MORC3: variants seen among roughly 807,000 people sequenced by gnomAD.
The protein encoded by MORC3 is MORC family CW-type zinc finger 3.
A neutral mutation model predicts 109.1 loss-of-function variants in MORC3; 31 were observed. The observed-to-expected ratio is 0.28, with a 90% CI of 0.21 to 0.38. The LOEUF is 0.38. Among genes scored for constraint, MORC3 ranks in the 10% least tolerant of loss-of-function variants. The pLI is 1.00. For missense variants in MORC3, 867 were observed against 1,135.8 expected, an observed-to-expected ratio of 0.76 and a Z score of 3.40; for synonymous variants, 395 against 380.7, an observed-to-expected ratio of 1.04 and a Z score of -0.44.
intron 12 of MORC3, 119 bp downstream of exon 12, chr21:36,360,377 T>C (rs1227292427): frequency 1.6e-5 from 16 of 1,004,838 alleles, no homozygotes; most frequent in African/African-American, 3.3e-5. Context: ...AAGTTTATAA[T>C]GTGGAGTGCG....
intron 9 of MORC3, among the ~76,000 whole-genome samples, chr21:36,354,530 C>G (rs1188506736): frequency 2.0e-5 from 3 of 151,908 alleles, no homozygotes; most frequent in East Asian, 1.9e-4. Flanking sequence ...GTCTTGAACT[C>G]CTGACCTTGT....
chr21:36,359,781 C>T (rs191358754), intron 10 of MORC3, among the ~76,000 whole-genome samples, 174 bp from the exon 11 acceptor site: 297 of 152,170 alleles, frequency 2.0e-3, no homozygotes, highest in African/African-American at 6.8e-3. Flanking sequence ...TCTCTAACTC[C>T]TGGGATTATA....
intron 1 of MORC3, 152 bp downstream of exon 1, chr21:36,320,455 C>G: frequency 1.4e-6 from 1 of 692,318 alleles, no homozygotes; most frequent in Non-Finnish European, 2.0e-6. Context: ...ATCTCGCTCC[C>G]GTCGGCGGAA....
chr21:36,364,223 A>G lies in MORC3; in HGVS notation c.1583A>G (p.His528Arg), dbSNP rs1359836743. The G allele has an allele frequency of 6.2e-7, 1 of 1,614,162 alleles. No homozygotes were observed. Among genetic ancestry groups the G allele is most frequent in the South Asian group, 1.1e-5 (1 of 91,086 alleles). ...TATGCGACAAGACTTCTAAATAATC[A>G]TCAAGTTCCACCTCAGTCTGAACCT... is the stretch of plus-strand genomic sequence containing the variant. ...NSYATRLLNNHQVPPQSEPES... is the reference protein window; with the variant it reads ...NSYATRLLNNRQVPPQSEPES... The change falls in exon 14 of 17, where the codon CAT becomes CGT. Residue 528 changes from histidine to arginine, a missense_variant. This residue lies in a region of MORC3 where 486 missense variants were observed against 502.1 expected (regional missense o/e 0.97). Transcript: ENST00000400485.
intron 9 of MORC3, among the ~76,000 whole-genome samples, chr21:36,354,682 A>T (rs567829923): frequency 7.9e-5 from 12 of 152,222 alleles, no homozygotes; most frequent in Non-Finnish European, 1.5e-4. Flanking sequence ...TGCCTGTATC[A>T]TAGAAGTGTC....
intron 13 of MORC3, among the ~76,000 whole-genome samples, chr21:36,362,822 C>T (rs1393714991): frequency 6.6e-6 from 1 of 152,112 alleles, no homozygotes. Context: ...ACCTTTCCAA[C>T]TCTTCCTAAT....
intron 16 of MORC3, among the ~76,000 whole-genome samples, chr21:36,373,121 C>A (rs912255040): frequency 6.6e-6 from 1 of 152,186 alleles, no homozygotes; most frequent in Non-Finnish European, 1.5e-5. Context: ...GGGCGGATCA[C>A]CTGAGGTCAG....
At chr21:36,336,839 T>TA (rs2085380566) in intron 2 of MORC3, 35 bp from the exon 3 acceptor site, 4 of 1,574,510 alleles carry the variant, frequency 2.5e-6, no homozygotes, top group Non-Finnish European at 3.5e-6. Context: ...TTTTAAAGTG[T>TA]AAAATCAGAA....
chr21:36,356,123 A>G (rs2085642576), intron 9 of MORC3, among the ~76,000 whole-genome samples: 1 of 152,186 alleles, frequency 6.6e-6, no homozygotes, highest in Non-Finnish European at 1.5e-5. Context: ...TACTATAATA[A>G]TATTGTATGT....
intron 16 of MORC3, among the ~76,000 whole-genome samples, chr21:36,373,936 A>AT (rs577831795): frequency 7.4e-4 from 112 of 152,296 alleles, no homozygotes; most frequent in African/African-American, 2.4e-3. Context: ...ACTTTTGGGC[A>AT]TTTTTTAAAA....
chr21:36,338,705 TA>T, intron 4 of MORC3, 68 bp from the exon 5 acceptor site: 1 of 1,395,320 alleles, frequency 7.2e-7, no homozygotes, highest in Non-Finnish European at 9.8e-7. Flanking sequence ...TTTAAGTTTA[TA>T]GAGTTAGTTT....
intron 1 of MORC3, among the ~76,000 whole-genome samples, chr21:36,333,023 G>A (rs1356148845): frequency 6.6e-6 from 1 of 151,992 alleles, no homozygotes; most frequent in South Asian, 2.1e-4. Flanking sequence ...TCCTGACCTC[G>A]TGATCTGCCC....
At chr21:36,371,366 C>A (rs904899945) in intron 15 of MORC3, among the ~76,000 whole-genome samples, 3 of 152,132 alleles carry the variant, frequency 2.0e-5, no homozygotes, top group Non-Finnish European at 4.4e-5. Context: ...AAAAACCCAT[C>A]ATAGGTTGGA....
At chr21:36,361,254 A>G (rs758017862) in intron 12 of MORC3, among the ~76,000 whole-genome samples, 2 of 151,236 alleles carry the variant, frequency 1.3e-5, no homozygotes, top group Non-Finnish European at 2.9e-5. Flanking sequence ...AAGTATAGAA[A>G]CCTATGTGGG....
chr21:36,359,556 C>CTTTTTTTTTTT (rs5843757), intron 10 of MORC3, among the ~76,000 whole-genome samples: 1 of 93,950 alleles, frequency 1.1e-5, no homozygotes, highest in Non-Finnish European at 1.9e-5. Flanking sequence ...CTTTCCTCTC[C>CTTTTTTTTTTT]TTTTTTTTTT....
intron 10 of MORC3, among the ~76,000 whole-genome samples, chr21:36,359,243 A>T (rs185478900): frequency 6.6e-6 from 1 of 152,224 alleles, no homozygotes; most frequent in Non-Finnish European, 1.5e-5. Flanking sequence ...CTATTAAGAC[A>T]TAAGTCACAT....
intron 14 of MORC3, among the ~76,000 whole-genome samples, chr21:36,368,345 T>C (rs1273825330): frequency 6.6e-6 from 1 of 150,664 alleles, no homozygotes; most frequent in Non-Finnish European, 1.5e-5. Context: ...AGCTGAAGAA[T>C]ACAAAGAAGG....
chr21:36,374,684 A>G (rs1210127271), intron 16 of MORC3, among the ~76,000 whole-genome samples: 1 of 152,062 alleles, frequency 6.6e-6, no homozygotes, highest in Admixed American at 6.6e-5. Flanking sequence ...GCTTCCAGCT[A>G]CTCAGGAGGC....
At chr21:36,365,290 A>G (rs1223924648) in intron 14 of MORC3, among the ~76,000 whole-genome samples, 2 of 152,178 alleles carry the variant, frequency 1.3e-5, no homozygotes, top group African/African-American at 4.8e-5. Flanking sequence ...TTCTGAAAAC[A>G]GTAGTCTTGT....
Sources: gnomAD v4.1 joint callset for allele counts (sites outside exome capture counted in the v4.1 genomes callset) on GRCh38, gnomAD v4.1.1 for gene constraint, gnomAD v4.1.1 regional missense constraint, MANE v1.5 for transcripts, NCBI Gene and HGNC (gene_info 2026-07-23, HGNC 2026-07-21) for gene names.